Variants in LCP1 observed in about 807,000 individuals in gnomAD.
The protein encoded by LCP1 is lymphocyte cytosolic protein 1, also known as plastin-2.
A neutral mutation model predicts 72.0 loss-of-function variants in LCP1; 23 were observed. That is an observed-to-expected ratio of 0.32 (90% CI 0.23 to 0.45). The LOEUF is 0.45. Among genes scored for constraint, LCP1 ranks in the 20% least tolerant of loss-of-function variants. LCP1 has a pLI of 1.00. For synonymous variants in LCP1, 245 were observed against 275.4 expected, an observed-to-expected ratio of 0.89 and a Z score of 1.09; for missense variants, 571 against 748.3, an observed-to-expected ratio of 0.76 and a Z score of 2.76.
chr13:46,168,036 A>C (rs1000381224), intron 1 of LCP1, among the ~76,000 whole-genome samples: 39 of 152,312 alleles, frequency 2.6e-4, no homozygotes, highest in African/African-American at 8.9e-4. Context: ...AAAATACCTA[A>C]AGCAGCCCAG....
intron 1 of LCP1, among the ~76,000 whole-genome samples, chr13:46,163,066 G>T (rs937863060): frequency 4.0e-5 from 6 of 151,192 alleles, no homozygotes; most frequent in Admixed American, 6.6e-5. Flanking sequence ...GGTGGGGGGC[G>T]CCTCTGCCCT....
chr13:46,156,638 T>C (rs1447390374), intron 4 of LCP1, 68 bp from the exon 5 acceptor site: 1 of 1,537,452 alleles, frequency 6.5e-7, no homozygotes, highest in Non-Finnish European at 9.0e-7. Flanking sequence ...ATTATGCATG[T>C]GGATCTTAAA....
At chr13:46,163,848 T>C (rs1339299945) in intron 1 of LCP1, among the ~76,000 whole-genome samples, 4 of 152,202 alleles carry the variant, frequency 2.6e-5, no homozygotes, top group Admixed American at 6.5e-5. Context: ...CTAACTTGGC[T>C]TAGGTCTCTT....
chr13:46,135,435 C>T (rs920170822), intron 13 of LCP1, among the ~76,000 whole-genome samples: 7 of 152,174 alleles, frequency 4.6e-5, no homozygotes, highest in African/African-American at 1.2e-4. Flanking sequence ...CATAATCCAT[C>T]GGGTATCTTC....
intron 15 of LCP1, 121 bp downstream of exon 15, chr13:46,130,693 G>T: frequency 7.3e-6 from 9 of 1,241,022 alleles, no homozygotes; most frequent in Non-Finnish European, 9.1e-6. Flanking sequence ...TCATGAGAAG[G>T]AAAAGCACGG....
intron 1 of LCP1, among the ~76,000 whole-genome samples, chr13:46,170,974 G>T (rs1461580464): frequency 6.6e-6 from 1 of 152,178 alleles, no homozygotes; most frequent in East Asian, 1.9e-4. Flanking sequence ...ATTGCTTAAA[G>T]ATCAGTCTGT....
Position 46,158,551 on chromosome 13 carries a change from GACT to G in LCP1, c.326_328del (p.Gln109_Ser110delinsPro). On this transcript the variant is annotated inframe_deletion, in exon 4 of 16. Coordinates refer to ENST00000323076, the MANE Select transcript of LCP1 (RefSeq NM_002298.5). ...ATAGGAGTGTTGGGTGCCAACGCTA[GACT>G]GCTCTGAAGTACCACCGATTGCACA... The G allele has an allele frequency of 6.2e-7, 1 of 1,614,174 alleles. No individual in the cohort carries two copies. Among genetic ancestry groups the G allele is most frequent in the Non-Finnish European group, 8.5e-7 (1 of 1,180,024 alleles).
Position 46,153,809 on chromosome 13 carries a change from A to G in LCP1, c.574-864T>C, listed in dbSNP as rs538886486. ...GATTTGTTGAGTATCTGTAATAACT[A>G]GGGAACCTGAGTATACACACACATA... is the stretch of plus-strand genomic sequence containing the variant. On this transcript the variant is annotated intron_variant, in intron 6 of 15. Coordinates refer to ENST00000323076, the MANE Select transcript of LCP1 (RefSeq NM_002298.5). Among the ~76,000 whole-genome samples, 13 of 152,338 alleles carry G rather than the reference A, an allele frequency of 8.5e-5. 1 individual carries two copies. Among genetic ancestry groups the G allele is most frequent in the East Asian group, 7.7e-4 (4 of 5,190 alleles).
At chr13:46,128,824 G>A (rs2045617034) in intron 15 of LCP1, among the ~76,000 whole-genome samples, 1 of 151,940 alleles carries the variant, frequency 6.6e-6, no homozygotes, top group Non-Finnish European at 1.5e-5. Flanking sequence ...ATTTTCAAAT[G>A]AGCCCACACT....
chr13:46,126,463 G>A lies in LCP1; in HGVS notation c.*1128C>T, dbSNP rs1020746694. The A allele has an allele frequency of 4.3e-6, 1 of 231,836 alleles. No homozygotes were observed. The highest frequency in any genetic ancestry group is 5.6e-5 in the Admixed American group (1 of 17,704). 14.4% of individuals were successfully genotyped at this position (231,836 alleles called of 1,614,324 possible). ...CATTCTGCCCTTGACAGCTGGCTAG[G>A]TGTGTGTGTATGTGAGTAGGGGTGC... On this transcript the variant is annotated 3_prime_UTR_variant, in exon 16 of 16. Coordinates refer to ENST00000323076, the MANE Select transcript of LCP1 (RefSeq NM_002298.5).
In LCP1 at chr13:46,130,924, A is replaced by G. The variant is rs202061852; in HGVS notation, c.1641T>C (p.Ser547=). The G allele has an allele frequency of 6.2e-7, 1 of 1,607,018 alleles. No individual in the cohort carries two copies. The highest frequency in any genetic ancestry group is 2.3e-5 in the East Asian group (1 of 44,346). Residue 547 remains serine (S), a synonymous_variant, in exon 15 of 16, where the codon AGT becomes AGC. Coordinates refer to ENST00000323076, the MANE Select transcript of LCP1 (RefSeq NM_002298.5). ...TGAGGTCCAGAACAGGCAGACTTGT[A>G]CTAATCTTCGGGTCCTATGCAGAGA... is the stretch of plus-strand genomic sequence containing the variant. ...SISSFKDPKI[S]TSLPVLDLID...
At chr13:46,157,353 C>G (rs2045809292) in intron 4 of LCP1, among the ~76,000 whole-genome samples, 1 of 152,118 alleles carries the variant, frequency 6.6e-6, no homozygotes, top group South Asian at 2.1e-4. Context: ...AATGTTGGAT[C>G]ACTGTGGACA....
intron 13 of LCP1, among the ~76,000 whole-genome samples, chr13:46,137,495 G>A (rs1380073358): frequency 1.3e-5 from 2 of 152,014 alleles, no homozygotes; most frequent in East Asian, 3.9e-4. Context: ...AGCTGAGATC[G>A]CACCATTGCA....
chr13:46,157,393 A>G (rs1036073236), intron 4 of LCP1, among the ~76,000 whole-genome samples: 2 of 152,158 alleles, frequency 1.3e-5, no homozygotes, highest in African/African-American at 4.8e-5. Flanking sequence ...GTTTCTTGAT[A>G]CAATTATAAT....
At chr13:46,127,934 C>T (rs1404837569) in intron 15 of LCP1, among the ~76,000 whole-genome samples, 4 of 151,944 alleles carry the variant, frequency 2.6e-5, no homozygotes, top group African/African-American at 4.8e-5. Flanking sequence ...TGGCTAGTCT[C>T]GTGATCATTA....
chr13:46,155,016 A>G, intron 5 of LCP1, 130 bp from the exon 6 acceptor site: 1 of 711,356 alleles, frequency 1.4e-6, no homozygotes, highest in South Asian at 1.8e-5. Flanking sequence ...TTAGATATAA[A>G]ATCAGTTATG....
chr13:46,151,134 G>C, intron 7 of LCP1, 56 bp from the exon 8 acceptor site: 1 of 1,556,566 alleles, frequency 6.4e-7, no homozygotes, highest in Admixed American at 2.0e-5. Flanking sequence ...GGGGAGGGGG[G>C]TTGGTTATAA....
At chr13:46,157,158 G>GAT (rs1182803790) in intron 4 of LCP1, among the ~76,000 whole-genome samples, 1 of 150,640 alleles carries the variant, frequency 6.6e-6, no homozygotes, top group African/African-American at 2.4e-5. Context: ...GCATAATCCA[G>GAT]ATATATATTT....
chr13:46,153,741 C>G (rs144226199), intron 6 of LCP1, among the ~76,000 whole-genome samples: 1 of 150,560 alleles, frequency 6.6e-6, no homozygotes, highest in Non-Finnish European at 1.5e-5. Flanking sequence ...AAAATAGATA[C>G]GATTAAAATT....
Sources: gnomAD v4.1 joint callset for allele counts (sites outside exome capture counted in the v4.1 genomes callset) on GRCh38, gnomAD v4.1.1 for gene constraint, MANE v1.5 for transcripts, NCBI Gene and HGNC (gene_info 2026-07-23, HGNC 2026-07-21) for gene names.